Variants in STK32C observed in about 807,000 individuals in gnomAD.
STK32C encodes the protein serine/threonine-protein kinase 32C.
STK32C carries 31 observed loss-of-function variants against 56.5 expected under a neutral mutation model. That is an observed-to-expected ratio of 0.55 (90% CI 0.41 to 0.74). The LOEUF (loss-of-function observed/expected upper bound fraction) is 0.74. Ranked by LOEUF, STK32C falls within the 30% of genes least tolerant of loss-of-function variation. The probability of loss-of-function intolerance (pLI) is 0.00; values close to 1 mark genes in which losing one functional copy is unlikely to be tolerated. For missense variants in STK32C, 544 were observed against 676.9 expected (o/e 0.80, Z 2.18); for synonymous variants, 309 against 289.4 (o/e 1.07, Z -0.69).
chr10:132,278,918 A>G (rs953006997), intron 1 of STK32C, among the ~76,000 whole-genome samples: 1 of 152,220 alleles, frequency 6.6e-6, no homozygotes, highest in African/African-American at 2.4e-5. Context: ...AGGGCCACTC[A>G]TGGTACAAGA....
intron 1 of STK32C, among the ~76,000 whole-genome samples, chr10:132,277,379 A>C (rs1590363876): frequency 6.6e-6 from 1 of 152,208 alleles, no homozygotes; most frequent in Non-Finnish European, 1.5e-5. Context: ...CAGGCTGAGG[A>C]GGCTGGGACC....
At position 132,222,942 on chromosome 10, in the gene STK32C, G is replaced by C. The variant is rs765758515; in HGVS notation, c.1038C>G (p.Asp346Glu). 6.4e-7 allele frequency: 1 copy of C among 1,555,018 alleles called. No homozygotes were observed. The highest frequency in any genetic ancestry group is 8.7e-7 in the Non-Finnish European group (1 of 1,153,600). The change falls in exon 9 of 12, where the codon GAC becomes GAG. Residue 346 changes from aspartate (D) to glutamate (E), a missense_variant. Asp to Glu is a conservative substitution (Grantham distance 45). Around this residue, in one of 3 missense-constraint regions of STK32C, gnomAD observed 277 missense variants for 309.3 expected, o/e 0.90. Transcript: ENST00000298630. ...NPEHRLSSLQ[D>E]VQAAPALAGV... ...CGGCCAGCGCCGGGGCTGCCTGCAC[G>C]TCCTGGAGGCTGGAGAGCCGGTGCT...
intron 2 of STK32C, among the ~76,000 whole-genome samples, chr10:132,238,530 G>A (rs541802008): frequency 1.3e-5 from 2 of 152,322 alleles, no homozygotes; most frequent in East Asian, 3.9e-4. Flanking sequence ...TGGCCTGTGG[G>A]AATACAGGCC....
At chr10:132,275,682 GGGATGAGGACCT>G (rs1280812986) in intron 1 of STK32C, among the ~76,000 whole-genome samples, 1 of 152,210 alleles carries the variant, frequency 6.6e-6, no homozygotes, top group African/African-American at 2.4e-5. Flanking sequence ...TCATGCCGCA[GGGATGAGGACCT>G]GGGCCCATGG....
chr10:132,211,241 C>T (rs937374604), intron 10 of STK32C, among the ~76,000 whole-genome samples: 2 of 152,088 alleles, frequency 1.3e-5, no homozygotes, highest in Admixed American at 6.5e-5. Context: ...GAGAAGGTGA[C>T]GGTGACCTAA....
chr10:132,283,638 C>T (rs1364367297), intron 1 of STK32C, among the ~76,000 whole-genome samples: 1 of 152,182 alleles, frequency 6.6e-6, no homozygotes, highest in African/African-American at 2.4e-5. Flanking sequence ...TTGGGGAACA[C>T]CTGAGGGTCC....
chr10:132,331,805 C>T (rs760330646), exon 1 of STK32C: 10 of 1,594,580 alleles, frequency 6.3e-6, no homozygotes, highest in African/African-American at 1.3e-5. Context: ...TCTACTTGCC[C>T]GTCGACCACC....
chr10:132,302,421 A>G (rs1302307473), intron 1 of STK32C, among the ~76,000 whole-genome samples: 2 of 152,236 alleles, frequency 1.3e-5, no homozygotes, highest in Non-Finnish European at 2.9e-5. Context: ...GAGAAGAGGC[A>G]TCAAGCTGCA....
chr10:132,227,426 G>A (rs1372305738), intron 3 of STK32C, among the ~76,000 whole-genome samples: 1 of 152,242 alleles, frequency 6.6e-6, no homozygotes, highest in Non-Finnish European at 1.5e-5. Flanking sequence ...CAGTGATGGT[G>A]GTGGTGGTGA....
At chr10:132,293,725 G>A (rs996640843) in intron 1 of STK32C, among the ~76,000 whole-genome samples, 25 of 152,162 alleles carry the variant, frequency 1.6e-4, no homozygotes, top group African/African-American at 5.6e-4. Flanking sequence ...GGTGAGCCTC[G>A]GCCTGAAGAA....
At chr10:132,254,797 C>T (rs1191728487) in intron 1 of STK32C, among the ~76,000 whole-genome samples, 1 of 151,666 alleles carries the variant, frequency 6.6e-6, no homozygotes, top group Non-Finnish European at 1.5e-5. Flanking sequence ...GCGTGCACCC[C>T]ACGCGAAGGC....
At chr10:132,240,243 GC>G (rs1200068987) in intron 2 of STK32C, among the ~76,000 whole-genome samples, 3 of 152,168 alleles carry the variant, frequency 2.0e-5, no homozygotes, top group African/African-American at 7.2e-5. Flanking sequence ...AGTGCTGCTC[GC>G]CACCTGCAGC....
chr10:132,264,996 C>T (rs1381970568), intron 1 of STK32C, among the ~76,000 whole-genome samples: 1 of 152,244 alleles, frequency 6.6e-6, no homozygotes, highest in African/African-American at 2.4e-5. Flanking sequence ...GGATTCAGGA[C>T]AGCCACACAT....
chr10:132,225,212 G>T, intron 7 of STK32C, 21 bp downstream of exon 7: 1 of 1,576,772 alleles, frequency 6.3e-7, no homozygotes, highest in Non-Finnish European at 8.6e-7. Flanking sequence ...GCCAAGCCCA[G>T]GGGCTGCAGG....
Position 132,230,686 on chromosome 10 carries a change from G to T in STK32C, c.319-2558C>A, listed in dbSNP as rs868731434. 5.6e-5 allele frequency among the ~76,000 whole-genome samples: 8 copies of T among 142,432 alleles called. 1 individual carries two copies. Among genetic ancestry groups the T allele is most frequent in the Non-Finnish European group, 7.9e-5 (5 of 63,406 alleles). The allele number at this position is 142,432 out of a possible 152,430, so 93.4% of individuals were successfully genotyped here. Reference sequence around the variant, plus strand: ...TGCTGGGGGGGAAGCTGGCGGGGGGGGGGGGGCTGCAGAGCCCACCTCTGC... The same window carrying T: ...TGCTGGGGGGGAAGCTGGCGGGGGGTGGGGGGCTGCAGAGCCCACCTCTGC... On this transcript the variant is annotated intron_variant, in intron 2 of 11. Coordinates refer to ENST00000298630, the MANE Select transcript of STK32C (RefSeq NM_173575.4).
Position 132,307,807 on chromosome 10 carries a change from GC to G in STK32C, c.26del (p.Gly9AlafsTer80). The G allele has an allele frequency of 9.6e-7, 1 of 1,036,808 alleles. No individual in the cohort carries two copies. The allele number at this position is 1,036,808 out of a possible 1,614,324, so 64.2% of individuals were successfully genotyped here. On this transcript the variant is annotated frameshift_variant, in exon 1 of 12. Transcript: ENST00000298630. LOFTEE classifies it high-confidence loss of function. This position sits in a 1 kb window ranked among gnomAD's most constrained non-coding sequence, Gnocchi z 4.4. MRSGAERR[G>X]SSAAASPGSP... is the part of the protein sequence containing the mutation. ...AGCCCGGGGACGCCGCGGCGCTGCT[GC>G]CCCTGCGCTCGGCGCCACTCCTCAT...
intron 1 of STK32C, among the ~76,000 whole-genome samples, chr10:132,279,518 G>T (rs1173666240): frequency 6.6e-6 from 1 of 152,036 alleles, no homozygotes; most frequent in African/African-American, 2.4e-5. Context: ...CCAGCACTTT[G>T]GGGGGCTGTG....
intron 2 of STK32C, among the ~76,000 whole-genome samples, chr10:132,240,818 C>T (rs1321770546): frequency 3.3e-5 from 5 of 152,048 alleles, no homozygotes; most frequent in Admixed American, 1.3e-4. Flanking sequence ...GGTCAAGGGG[C>T]GGGGCTGCAC....
chr10:132,256,867 C>G (rs1197378833), intron 1 of STK32C, among the ~76,000 whole-genome samples: 2 of 152,200 alleles, frequency 1.3e-5, no homozygotes, highest in Non-Finnish European at 2.9e-5. Flanking sequence ...ACAGCCCTGA[C>G]TCGGGGTGGG....
Sources: allele counts gnomAD v4.1 joint callset (sites outside exome capture counted in the v4.1 genomes callset), GRCh38; gene constraint gnomAD v4.1.1; regional missense constraint gnomAD v4.1.1; non-coding constraint Gnocchi (gnomAD v3.1); transcripts MANE v1.5; gene names NCBI Gene and HGNC (gene_info 2026-07-23, HGNC 2026-07-21).